The following TMEM26 variants were observed in gnomAD, a reference collection of about 807,000 sequenced individuals.
TMEM26 encodes transmembrane protein 26.
A neutral mutation model predicts 28.8 loss-of-function variants in TMEM26; 38 were observed. The observed-to-expected ratio is 1.32, with a 90% CI of 1.02 to 1.73. TMEM26 has a LOEUF of 1.73. Ranked by LOEUF, TMEM26 falls within the 40% of genes most tolerant of loss-of-function variation. The pLI is 0.00. For synonymous variants in TMEM26, 227 were observed against 182.9 expected (o/e 1.24, Z -1.95); for missense variants, 518 against 447.1 (o/e 1.16, Z -1.43).
At chr10:61,415,769 C>T (rs563558226) in intron 4 of TMEM26, among the ~76,000 whole-genome samples, 1 of 151,944 alleles carries the variant, frequency 6.6e-6, no homozygotes, top group Non-Finnish European at 1.5e-5. Context: ...ATGTGTGATG[C>T]TTCATATATT....
chr10:61,418,201 G>GA (rs1453015605), intron 4 of TMEM26, among the ~76,000 whole-genome samples: 1 of 151,936 alleles, frequency 6.6e-6, no homozygotes, highest in African/African-American at 2.4e-5. Flanking sequence ...CAAGAACTAG[G>GA]AAAACTTTTC....
chr10:61,437,420 G>A (rs1056876039), intron 1 of TMEM26, among the ~76,000 whole-genome samples: 3 of 152,030 alleles, frequency 2.0e-5, no homozygotes, highest in South Asian at 2.1e-4. Flanking sequence ...TATTATTATC[G>A]GACATGGTAC....
chr10:61,449,426 C>G (rs1420454355), intron 1 of TMEM26, among the ~76,000 whole-genome samples: 1 of 152,178 alleles, frequency 6.6e-6, no homozygotes, highest in Non-Finnish European at 1.5e-5. Context: ...CTGAGCTCAG[C>G]AATTCCAGTT....
At chr10:61,436,430 T>C (rs1373187635) in intron 1 of TMEM26, among the ~76,000 whole-genome samples, 182 bp from the exon 2 acceptor site, 2 of 152,198 alleles carry the variant, frequency 1.3e-5, no homozygotes, top group African/African-American at 2.4e-5. Flanking sequence ...TTCTGCCATA[T>C]GGATTATAAA....
intron 1 of TMEM26, among the ~76,000 whole-genome samples, chr10:61,437,412 T>G (rs1205322003): frequency 1.3e-5 from 2 of 152,178 alleles, no homozygotes; most frequent in African/African-American, 2.4e-5. Context: ...ATTACTAGTA[T>G]TATTATCGGA....
At chr10:61,432,862 A>G (rs1440997010) in intron 2 of TMEM26, among the ~76,000 whole-genome samples, 1 of 152,110 alleles carries the variant, frequency 6.6e-6, no homozygotes, top group Non-Finnish European at 1.5e-5. Context: ...AGGAGCAAAA[A>G]TACAGTTGTT....
At chr10:61,438,905 T>C (rs1840048614) in intron 1 of TMEM26, among the ~76,000 whole-genome samples, 1 of 152,212 alleles carries the variant, frequency 6.6e-6, no homozygotes, top group African/African-American at 2.4e-5. Context: ...TTCAATCCTC[T>C]TCCTTAGATT....
intron 1 of TMEM26, among the ~76,000 whole-genome samples, chr10:61,443,296 C>CAAA (rs536125967): frequency 8.5e-6 from 1 of 117,238 alleles, no homozygotes. Context: ...CTAAAAATAC[C>CAAA]AAAAAAAAAA....
At chr10:61,446,817 CAAAAAAAAAAAAAAAAAAAAAAAA>C (rs34030340) in intron 1 of TMEM26, among the ~76,000 whole-genome samples, 1 of 33,938 alleles carries the variant, frequency 2.9e-5, no homozygotes, top group Non-Finnish European at 4.9e-5. Context: ...GACTCCATCT[CAAAAAAAAAAAAAAAAAAAAAAAA>C]AAAAAAAAAA....
At chr10:61,446,969 T>TAA (rs141511563) in intron 1 of TMEM26, among the ~76,000 whole-genome samples, 1 of 149,868 alleles carries the variant, frequency 6.7e-6, no homozygotes, top group African/African-American at 2.5e-5. Flanking sequence ...CAACAAACTT[T>TAA]AAAAAAAAAT....
rs936961058 is a variant in TMEM26 at position 61,411,922 on chromosome 10, A to G, written c.683-1176T>C. ...CAATAATGATTTAGTCAGAAGTAAC[A>G]TTTGGTCTTTGTTTTTCAAACAGCT... On this transcript the variant is annotated intron_variant, in intron 5 of 5. Transcript: ENST00000399298. Among the ~76,000 whole-genome samples the G allele has an allele frequency of 2.6e-5, 4 of 152,214 alleles. No individual in the cohort carries two copies. The East Asian group carries it at 5.8e-4, about 22-fold the overall frequency.
At chr10:61,443,840 G>A (rs925314689) in intron 1 of TMEM26, among the ~76,000 whole-genome samples, 6 of 152,264 alleles carry the variant, frequency 3.9e-5, no homozygotes, top group East Asian at 3.9e-4. Context: ...AATTGAAGTT[G>A]TTCACAAACT....
intron 1 of TMEM26, among the ~76,000 whole-genome samples, chr10:61,450,220 T>A (rs1840253677): frequency 1.3e-5 from 2 of 152,282 alleles, no homozygotes; most frequent in East Asian, 3.9e-4. Flanking sequence ...TGCATATTAA[T>A]ATTTTTCTAT....
intron 4 of TMEM26, among the ~76,000 whole-genome samples, chr10:61,420,565 T>G (rs1436626062): frequency 6.6e-6 from 1 of 152,120 alleles, no homozygotes; most frequent in African/African-American, 2.4e-5. Context: ...ATGGTGGATC[T>G]TTGTTTTTAC....
intron 1 of TMEM26, among the ~76,000 whole-genome samples, chr10:61,448,312 AG>A (rs1323990467): frequency 1.3e-5 from 2 of 152,240 alleles, no homozygotes; most frequent in African/African-American, 2.4e-5. Context: ...GAACTGCTGG[AG>A]TGAGTAAGAT....
intron 2 of TMEM26, among the ~76,000 whole-genome samples, chr10:61,432,984 G>C (rs985376065): frequency 1.3e-5 from 2 of 152,092 alleles, no homozygotes; most frequent in Non-Finnish European, 2.9e-5. Flanking sequence ...AAGCATGTTG[G>C]TGTTTTTATT....
At chr10:61,446,209 A>G (rs931112112) in intron 1 of TMEM26, among the ~76,000 whole-genome samples, 3 of 152,214 alleles carry the variant, frequency 2.0e-5, no homozygotes, top group African/African-American at 2.4e-5. Flanking sequence ...AAAGCATGGT[A>G]CTAATTTTTG....
chr10:61,440,965 T>C (rs1840082998), intron 1 of TMEM26, among the ~76,000 whole-genome samples: 1 of 152,226 alleles, frequency 6.6e-6, no homozygotes, highest in Non-Finnish European at 1.5e-5. Flanking sequence ...ATGCTTTAAA[T>C]CATCTCTACA....
Position 61,410,690 on chromosome 10 carries a change from A to C in TMEM26, c.739T>G (p.Phe247Val). 6.2e-7 allele frequency: 1 copy of C among 1,614,178 alleles called. No homozygotes were observed. The highest frequency in any genetic ancestry group is 8.5e-7 in the Non-Finnish European group (1 of 1,180,034). The change falls in exon 6 of 6, where the codon TTT becomes GTT. Residue 247 changes from phenylalanine (F) to valine (V), a missense_variant. Physicochemically the swap from Phe to Val is conservative, Grantham distance 50. Transcript: ENST00000399298. ...CACAGATCGGCACTGTACTGGCAAA[A>C]GAACAGGCTGGGGAATCCCCTCTCT... Reference protein sequence around the residue: ...VTERGFPSLFFCQYSADLWNI... With the variant: ...VTERGFPSLFVCQYSADLWNI...
Sources: gnomAD v4.1 joint callset for allele counts (sites outside exome capture counted in the v4.1 genomes callset) on GRCh38, gnomAD v4.1.1 for gene constraint, MANE v1.5 for transcripts, NCBI Gene and HGNC (gene_info 2026-07-23, HGNC 2026-07-21) for gene names.